The following PRDM5 variants were observed in gnomAD, a reference collection of about 807,000 sequenced individuals.
The protein encoded by PRDM5 is PR domain zinc finger protein 5.
In PRDM5, 56 loss-of-function variants were observed where a neutral mutation model predicts 81.2. The observed-to-expected ratio is 0.69, with a 90% CI of 0.56 to 0.86. The LOEUF (loss-of-function observed/expected upper bound fraction) is 0.86, where lower values mean the gene tolerates loss of function less well. PRDM5 is among the 40% of genes least tolerant of loss of function. The pLI is 0.00. For synonymous variants in PRDM5, 267 were observed against 256.4 expected (o/e 1.04, Z -0.39); for missense variants, 697 against 770.1 (o/e 0.91, Z 1.12).
chr4:120,741,691 C>T (rs139202421), intron 14 of PRDM5, among the ~76,000 whole-genome samples: 2,962 of 152,196 alleles, frequency 0.019, 56 homozygotes, highest in Middle Eastern at 0.041. Context: ...AATAGGGTCA[C>T]TCCCACCCGA....
chr4:120,748,772 C>T (rs569387037), intron 14 of PRDM5, among the ~76,000 whole-genome samples: 138 of 152,200 alleles, frequency 9.1e-4, no homozygotes, highest in African/African-American at 2.6e-3. Flanking sequence ...TGAGAAATGG[C>T]TCCAAATGCC....
At chr4:120,800,692 A>T (rs1236457025) in intron 8 of PRDM5, among the ~76,000 whole-genome samples, 1 of 152,170 alleles carries the variant, frequency 6.6e-6, no homozygotes, top group Non-Finnish European at 1.5e-5. Context: ...TTGCTAAGTG[A>T]GTAGATTATA....
At chr4:120,839,519 C>G (rs989307394) in intron 3 of PRDM5, among the ~76,000 whole-genome samples, 2 of 152,188 alleles carry the variant, frequency 1.3e-5, no homozygotes, top group Non-Finnish European at 2.9e-5. Flanking sequence ...ATTCCATCAT[C>G]TGCTCTGCTC....
intron 14 of PRDM5, among the ~76,000 whole-genome samples, chr4:120,722,677 T>C (rs889515965): frequency 2.6e-5 from 4 of 152,140 alleles, no homozygotes; most frequent in Non-Finnish European, 5.9e-5. Context: ...TGGGGACTGA[T>C]GGGCTAAACC....
chr4:120,690,763 C>T (rs777123451), downstream of PRDM5, among the ~76,000 whole-genome samples: 21 of 152,006 alleles, frequency 1.4e-4, no homozygotes, highest in Non-Finnish European at 2.4e-4. Context: ...TAGCTAATTC[C>T]TAGTAGGTCT....
At position 120,710,425 on chromosome 4, in the gene PRDM5, A is replaced by G. The variant is rs370193458; in HGVS notation, c.1624-12T>C. 1.9e-6 allele frequency: 3 copies of G among 1,612,414 alleles called. No homozygotes were observed. Among genetic ancestry groups the G allele is most frequent in the Admixed American group, 3.3e-5 (2 of 59,996 alleles). On this transcript the variant is annotated splice_polypyrimidine_tract_variant and intron_variant, in intron 14 of 15. Coordinates refer to ENST00000264808, the MANE Select transcript of PRDM5 (RefSeq NM_018699.4). Reference sequence around the variant, plus strand: ...TTGTACGGCTTCTCCTGCAGTCAACAAAAAGAGACCACCAAAATTGCCAGT... The same window carrying G: ...TTGTACGGCTTCTCCTGCAGTCAACGAAAAGAGACCACCAAAATTGCCAGT...
rs755356423 is a variant in PRDM5, at chr4:120,907,425, T to C, written c.177+49A>G. 6.4e-6 allele frequency: 9 copies of C among 1,412,158 alleles called. No homozygotes were observed. In the African/African-American group the frequency reaches 1.1e-4, roughly 18 times the overall value. The allele number at this position is 1,412,158 out of a possible 1,614,324, so 87.5% of individuals were successfully genotyped here. A position where few individuals can be genotyped will look rare whatever the true frequency, so the allele number is the denominator to read the frequency against. On this transcript the variant is annotated intron_variant, in intron 2 of 15. Coordinates refer to ENST00000264808, the MANE Select transcript of PRDM5 (RefSeq NM_018699.4). ...AATGTAGCCTTAAAAATGCATTAAA[T>C]GGTACAATACAAATATATTTTTAAC...
At chr4:120,695,917 C>T (rs11737569) in intron 15 of PRDM5, among the ~76,000 whole-genome samples, 22,831 of 151,812 alleles carry the variant, frequency 0.15, 2,266 homozygotes, top group Non-Finnish European at 0.23. Flanking sequence ...AAATCATATC[C>T]GTTGTGAAAT....
intron 14 of PRDM5, among the ~76,000 whole-genome samples, chr4:120,741,252 C>G (rs1162162302): frequency 6.6e-6 from 1 of 152,128 alleles, no homozygotes. Flanking sequence ...GAAAATTATT[C>G]TTGCCTTTTG....
chr4:120,727,141 G>A (rs983887712), intron 14 of PRDM5, among the ~76,000 whole-genome samples: 4 of 152,116 alleles, frequency 2.6e-5, no homozygotes, highest in Admixed American at 2.6e-4. Flanking sequence ...CCAAATATAT[G>A]TAATAGATCC....
intron 2 of PRDM5, among the ~76,000 whole-genome samples, chr4:120,890,813 G>A (rs1480044191): frequency 2.0e-5 from 3 of 152,116 alleles, no homozygotes; most frequent in Non-Finnish European, 4.4e-5. Flanking sequence ...ACCTTTAAAT[G>A]GGGTTGTTTG....
At chr4:120,843,254 A>G (rs1256168760) in intron 3 of PRDM5, among the ~76,000 whole-genome samples, 2 of 152,148 alleles carry the variant, frequency 1.3e-5, no homozygotes, top group Non-Finnish European at 2.9e-5. Context: ...GAATAGCTTG[A>G]ACCCAGGAGG....
In PRDM5 at chr4:120,699,159, TAA is replaced by T. The variant is rs1491423866; in HGVS notation, c.1729-3886_1729-3885del. 9.7e-3 allele frequency among the ~76,000 whole-genome samples: 795 copies of T among 81,744 alleles called. 8 individuals carry two copies. Among genetic ancestry groups the T allele is most frequent in the Non-Finnish European group, 0.011 (467 of 42,656 alleles). The allele number at this position is 81,744 out of a possible 152,430, so 53.6% of individuals were successfully genotyped here. On this transcript the variant is annotated intron_variant, in intron 15 of 15. Coordinates refer to ENST00000264808, the MANE Select transcript of PRDM5 (RefSeq NM_018699.4). ...AATGTATAGGCAATTATAGGAAATA[TAA>T]ATATATATATATATATATATATATA...
At chr4:120,910,070 T>TA (rs34590841) in intron 1 of PRDM5, among the ~76,000 whole-genome samples, 55 of 149,342 alleles carry the variant, frequency 3.7e-4, no homozygotes, top group African/African-American at 1.2e-3. Flanking sequence ...TCATATGCTT[T>TA]AAAAAAAAAA....
intron 3 of PRDM5, among the ~76,000 whole-genome samples, chr4:120,846,537 T>C (rs1259868023): frequency 6.6e-6 from 1 of 152,208 alleles, no homozygotes; most frequent in Non-Finnish European, 1.5e-5. Flanking sequence ...ATAATGCTAC[T>C]GCACACTTAA....
chr4:120,722,595 A>G (rs181287586), intron 14 of PRDM5, among the ~76,000 whole-genome samples: 1 of 152,118 alleles, frequency 6.6e-6, no homozygotes, highest in African/African-American at 2.4e-5. Flanking sequence ...TTGTGATTTC[A>G]TGGTCTGAGG....
intron 14 of PRDM5, among the ~76,000 whole-genome samples, chr4:120,725,591 G>C (rs1288950265): frequency 6.6e-6 from 1 of 152,322 alleles, no homozygotes; most frequent in East Asian, 1.9e-4. Context: ...ACCATGGAAA[G>C]AGTGATGAAC....
At chr4:120,884,924 G>A (rs1159940137) in intron 2 of PRDM5, among the ~76,000 whole-genome samples, 1 of 151,844 alleles carries the variant, frequency 6.6e-6, no homozygotes, top group African/African-American at 2.4e-5. Flanking sequence ...AGCGAGTCGG[G>A]TGGATCACGA....
At chr4:120,793,995 C>A (rs1009647311) in intron 10 of PRDM5, among the ~76,000 whole-genome samples, 7 of 152,144 alleles carry the variant, frequency 4.6e-5, no homozygotes, top group Admixed American at 6.5e-5. Context: ...ATCTCATCAT[C>A]CACTTAAGAG....
Sources: gnomAD v4.1 joint callset for allele counts (sites outside exome capture counted in the v4.1 genomes callset) on GRCh38, gnomAD v4.1.1 for gene constraint, MANE v1.5 for transcripts, NCBI Gene and HGNC (gene_info 2026-07-23, HGNC 2026-07-21) for gene names.